The following XRCC3 variants were observed in gnomAD, a reference collection of about 807,000 sequenced individuals.
XRCC3 encodes DNA repair protein XRCC3.
In XRCC3, 34 loss-of-function variants were observed where a neutral mutation model predicts 29.2. The observed-to-expected ratio is 1.16, with a 90% CI of 0.88 to 1.55. XRCC3 has a LOEUF of 1.55. Among genes scored for constraint, XRCC3 ranks in the 40% most tolerant of loss-of-function variants. The pLI is 0.00. For synonymous variants in XRCC3, 223 were observed against 211.3 expected (o/e 1.06, Z -0.48); for missense variants, 463 against 467.6 (o/e 0.99, Z 0.09).
At chr14:103,706,906 C>G (rs1322471608) in intron 6 of XRCC3, 97 bp downstream of exon 6, 20 of 1,327,410 alleles carry the variant, frequency 1.5e-5, no homozygotes, top group Non-Finnish European at 2.1e-5. Context: ...AGGAACAGCG[C>G]AAGAGGCGGC....
At chr14:103,701,287 C>T (rs2083179747) in intron 7 of XRCC3, 5 of 1,434,282 alleles carry the variant, frequency 3.5e-6, no homozygotes, top group Non-Finnish European at 3.8e-6. Context: ...AGGGAGGGCC[C>T]CTGGCCGGGA....
chr14:103,710,219 A>G (rs2083576190), intron 4 of XRCC3: 1 of 152,242 alleles, frequency 6.6e-6, no homozygotes, highest in Admixed American at 6.5e-5. Context: ...CAGGTTCAAC[A>G]ATGGCCAGTA....
rs994253600 is a variant in XRCC3, at chr14:103,700,572, G to A, written c.562-996C>T. On this transcript the variant is annotated intron_variant, in intron 7 of 9. Transcript: ENST00000555055. ...TCAAGTCCAAGGTCTGCAGCCACACGCTGGTGTCACGCCCGGAGCTCTGAA... is the reference window on the plus strand; with the variant it reads ...TCAAGTCCAAGGTCTGCAGCCACACACTGGTGTCACGCCCGGAGCTCTGAA... 24 of 1,117,202 alleles carry A rather than the reference G, an allele frequency of 2.1e-5. No homozygotes were observed. In the African/African-American group the frequency reaches 2.2e-4, roughly 10 times the overall value. The allele number at this position is 1,117,202 out of a possible 1,614,324, so 69.2% of individuals were successfully genotyped here.
At chr14:103,709,005 T>C (rs2083536717) in intron 4 of XRCC3, 1 of 363,390 alleles carries the variant, frequency 2.8e-6, no homozygotes, top group South Asian at 2.1e-5. Flanking sequence ...CCCAGTTCCA[T>C]GCCAGCTGGA....
intron 3 of XRCC3, 77 bp downstream of exon 3, chr14:103,711,386 CCCA>C (rs1258963567): frequency 3.3e-6 from 2 of 608,622 alleles, no homozygotes; most frequent in Non-Finnish European, 6.1e-6. Flanking sequence ...ACCCCCCAAA[CCCA>C]CCACATTTAC....
Position 103,699,461 on chromosome 14 carries a change from TG to T in XRCC3, c.676del (p.Gln226ArgfsTer20). The T allele has an allele frequency of 1.2e-6, 2 of 1,612,910 alleles. No individual in the cohort carries two copies. The highest frequency in any genetic ancestry group is 1.7e-6 in the Non-Finnish European group (2 of 1,179,970). On this transcript the variant is annotated frameshift_variant, in exon 8 of 10. Coordinates refer to ENST00000555055, the MANE Select transcript of XRCC3 (RefSeq NM_005432.4). LOFTEE classifies it high-confidence loss of function. ...ATGCCTGGCCCTGGGGGCGGAGGCC[TG>T]GCTGTCAAATTCACAGCGGAATGGG... ...AAPFRCEFDS[Q>X]ASAPRARHLQ...
rs762286112 is a variant in XRCC3, at chr14:103,707,067, G to A, written c.342C>T (p.Thr114=). 5 of 1,562,264 alleles carry A rather than the reference G, an allele frequency of 3.2e-6. No homozygotes were observed. The African/African-American group carries it at 6.8e-5, about 21-fold the overall frequency. Residue 114 remains threonine (T), a synonymous_variant, in exon 6 of 10, where the codon ACC becomes ACT. Coordinates refer to ENST00000555055, the MANE Select transcript of XRCC3 (RefSeq NM_005432.4). The stretch of plus-strand genomic sequence containing the variant: ...CCAGGCAGAGCTGCAGCGCCAGCTG[G>A]GTCTTCCCTGCCGAGCTGCGTCCGG... ...ELAGRSSAGK[T]QLALQLCLAV... is the part of the protein sequence containing the mutation.
At position 103,708,607 on chromosome 14, in the gene XRCC3, C is replaced by T. The variant is rs747203916; in HGVS notation, c.108G>A (p.Lys36=). The change falls in exon 5 of 10, where the codon AAG becomes AAA. Residue 36 remains lysine, a synonymous_variant. Coordinates refer to ENST00000555055, the MANE Select transcript of XRCC3 (RefSeq NM_005432.4). ...EVLHFSGPDL[K]RLTNLSSPEV... ...CGGGGCTGGAGAGGTTGGTCAGTCT[C>T]TTCAAGTCTGGTCCAGAAAAGTGTA... is the stretch of plus-strand genomic sequence containing the variant. 14 of 1,614,216 alleles carry T rather than the reference C, an allele frequency of 8.7e-6. No homozygotes were observed. Among genetic ancestry groups the T allele is most frequent in the Non-Finnish European group, 1.2e-5 (14 of 1,180,040 alleles).
intron 4 of XRCC3, chr14:103,709,247 C>T (rs1256494319): frequency 5.6e-6 from 1 of 178,126 alleles, no homozygotes. Flanking sequence ...GGTGCAGATC[C>T]CCAGGACCTG....
intron 5 of XRCC3, chr14:103,708,143 C>T (rs2083503020): frequency 2.8e-6 from 1 of 359,870 alleles, no homozygotes; most frequent in Admixed American, 4.0e-5. Context: ...CTGCTGAGAC[C>T]TGGTTTCCCA....
chr14:103,699,677 A>G (rs990268110), intron 7 of XRCC3, 101 bp from the exon 8 acceptor site: 24 of 1,185,530 alleles, frequency 2.0e-5, no homozygotes, highest in Non-Finnish European at 3.0e-5. Flanking sequence ...AAACCTTCCT[A>G]CCCACCTGGG....
chr14:103,700,992 C>T (rs919180258), intron 7 of XRCC3, among the ~76,000 whole-genome samples: 1 of 152,210 alleles, frequency 6.6e-6, no homozygotes, highest in East Asian at 1.9e-4. Flanking sequence ...CCGTGCCAGA[C>T]GCAGGCCTTT....
intron 6 of XRCC3, chr14:103,705,739 A>G (rs1483382834): frequency 6.5e-6 from 1 of 154,540 alleles, no homozygotes; most frequent in African/African-American, 2.4e-5. Context: ...GTCCCTGGGT[A>G]TCGGGGAGTG....
intron 1 of XRCC3, chr14:103,714,198 A>T: frequency 6.6e-6 from 1 of 152,258 alleles, no homozygotes; most frequent in Non-Finnish European, 1.5e-5. Context: ...AGCACTGTGA[A>T]CCCGAGAACA....
chr14:103,709,098 C>T (rs560504148), intron 4 of XRCC3: 23 of 331,230 alleles, frequency 6.9e-5, no homozygotes, highest in African/African-American at 3.9e-4. Flanking sequence ...TGGGCTGAGC[C>T]GCGGGAGAGG....
At chr14:103,711,359 A>G in intron 3 of XRCC3, 107 bp downstream of exon 3, 1 of 647,452 alleles carries the variant, frequency 1.5e-6, no homozygotes, top group South Asian at 1.5e-5. Flanking sequence ...CATTCCAGAC[A>G]CTGATGCATT....
Position 103,709,205 on chromosome 14 carries a change from C to T in XRCC3, c.56-546G>A, listed in dbSNP as rs1008941844. 2.4e-5 allele frequency: 5 copies of T among 207,058 alleles called. No individual in the cohort carries two copies. In the South Asian group the frequency reaches 4.0e-4, roughly 17 times the overall value. 12.8% of individuals were successfully genotyped at this position (207,058 alleles called of 1,614,324 possible). A position where few individuals can be genotyped will look rare whatever the true frequency, so the allele number is the denominator to read the frequency against. Reference sequence around the variant, plus strand: ...GTCAGGGCAGGGGGCAGAGCATGTGCGAATCAGAACGGCGGTGGCAGCAGT... The same window carrying T: ...GTCAGGGCAGGGGGCAGAGCATGTGTGAATCAGAACGGCGGTGGCAGCAGT... On this transcript the variant is annotated intron_variant, in intron 4 of 9. Coordinates refer to ENST00000555055, the MANE Select transcript of XRCC3 (RefSeq NM_005432.4).
intron 7 of XRCC3, chr14:103,702,660 A>G (rs780749433): frequency 1.1e-4 from 21 of 182,912 alleles, no homozygotes; most frequent in Non-Finnish European, 2.0e-4. Flanking sequence ...GCTGCCTGAG[A>G]TTCAGATGTA....
rs778626661 is a variant in XRCC3, at chr14:103,699,218, G to A, written c.775-39C>T. The A allele has an allele frequency of 9.1e-6, 14 of 1,545,978 alleles. No individual in the cohort carries two copies. In the Admixed American group the frequency reaches 2.1e-4, roughly 23 times the overall value. On this transcript the variant is annotated intron_variant, in intron 8 of 9. Transcript: ENST00000555055. ...GTCCAGGTCAGCTGCAACGGCTGAGGGTCTTCTCGATGGTTAGGCACAGGC... is the reference window on the plus strand; with the variant it reads ...GTCCAGGTCAGCTGCAACGGCTGAGAGTCTTCTCGATGGTTAGGCACAGGC...
Sources: allele counts gnomAD v4.1 joint callset (sites outside exome capture counted in the v4.1 genomes callset), GRCh38; gene constraint gnomAD v4.1.1; transcripts MANE v1.5; gene names NCBI Gene and HGNC (gene_info 2026-07-23, HGNC 2026-07-21).